CNTN5: variants seen among roughly 807,000 people sequenced by gnomAD.
The protein encoded by CNTN5 is contactin-5.
CNTN5 carries 77 observed loss-of-function variants against 129.1 expected under a neutral mutation model. That is an observed-to-expected ratio of 0.60 (90% CI 0.50 to 0.72). The LOEUF (loss-of-function observed/expected upper bound fraction) is 0.72. CNTN5 is among the 30% of genes least tolerant of loss of function. The pLI is 0.00. For synonymous variants in CNTN5, 509 were observed against 465.6 expected (o/e 1.09, Z -1.20); for missense variants, 1,478 against 1,328.8 (o/e 1.11, Z -1.75).
intron 1 of CNTN5, among the ~76,000 whole-genome samples, chr11:99,290,112 C>A (rs946197007): frequency 3.3e-5 from 5 of 151,602 alleles, no homozygotes; most frequent in Admixed American, 3.3e-4. Context: ...AATTATAACC[C>A]CCCCAAAATA....
At chr11:99,052,912 T>G (rs543667785) in intron 1 of CNTN5, among the ~76,000 whole-genome samples, 1 of 152,012 alleles carries the variant, frequency 6.6e-6, no homozygotes, top group East Asian at 1.9e-4. Context: ...AATGATATCT[T>G]ACATACCACA....
chr11:99,784,207 C>T (rs971051875), intron 3 of CNTN5, among the ~76,000 whole-genome samples: 1 of 151,998 alleles, frequency 6.6e-6, no homozygotes, highest in Admixed American at 6.6e-5. Context: ...AGGTTTGTTA[C>T]TTAGGTATAC....
intron 3 of CNTN5, among the ~76,000 whole-genome samples, chr11:99,787,403 T>A (rs1945571303): frequency 6.6e-6 from 1 of 151,628 alleles, no homozygotes; most frequent in East Asian, 1.9e-4. Context: ...TTTAAAATAT[T>A]TTTTAAAACA....
At chr11:99,911,475 T>C (rs977983443) in intron 6 of CNTN5, among the ~76,000 whole-genome samples, 1 of 151,956 alleles carries the variant, frequency 6.6e-6, no homozygotes, top group African/African-American at 2.4e-5. Flanking sequence ...TCTAATTGTA[T>C]AGCTTTTATT....
At chr11:99,351,298 C>A (rs745361699) in intron 2 of CNTN5, among the ~76,000 whole-genome samples, 1 of 152,138 alleles carries the variant, frequency 6.6e-6, no homozygotes, top group Non-Finnish European at 1.5e-5. Context: ...CTCCCAATAC[C>A]GTGAGGTGAG....
At chr11:99,875,470 C>T (rs1032251296) in intron 6 of CNTN5, among the ~76,000 whole-genome samples, 1 of 152,048 alleles carries the variant, frequency 6.6e-6, no homozygotes. Context: ...GTTATTACCA[C>T]TGAATAATAT....
At chr11:100,160,574 T>C (rs777858517) in intron 13 of CNTN5, among the ~76,000 whole-genome samples, 6 of 151,856 alleles carry the variant, frequency 4.0e-5, no homozygotes, top group Non-Finnish European at 7.4e-5. Flanking sequence ...AGATACTAAA[T>C]TTAGGAAATT....
chr11:99,418,862 C>T (rs182570619), intron 2 of CNTN5, among the ~76,000 whole-genome samples: 5 of 152,186 alleles, frequency 3.3e-5, no homozygotes, highest in African/African-American at 1.2e-4. Flanking sequence ...GTCATACAAG[C>T]CTTTTAATCA....
chr11:99,354,060 G>A (rs188651894), intron 2 of CNTN5, among the ~76,000 whole-genome samples: 39 of 152,082 alleles, frequency 2.6e-4, no homozygotes, highest in Non-Finnish European at 4.9e-4. Flanking sequence ...CAATCTTAGC[G>A]CATCCTAAGA....
chr11:100,275,096 C>CAA (rs386374656), intron 18 of CNTN5, among the ~76,000 whole-genome samples: 258 of 148,942 alleles, frequency 1.7e-3, no homozygotes, highest in African/African-American at 3.8e-3. Context: ...ATTAAACAAC[C>CAA]AAAAAAAAAA....
chr11:100,345,575 A>AT (rs961377809), intron 23 of CNTN5, among the ~76,000 whole-genome samples: 4 of 95,818 alleles, frequency 4.2e-5, no homozygotes, highest in South Asian at 6.3e-4. Flanking sequence ...GCTAACAGAT[A>AT]TTAAAAAAAA....
At chr11:99,951,648 T>C (rs1950679628) in intron 7 of CNTN5, among the ~76,000 whole-genome samples, 2 of 152,204 alleles carry the variant, frequency 1.3e-5, no homozygotes, top group African/African-American at 2.4e-5. Context: ...ATCATGAAGT[T>C]ATTTGATAGT....
intron 18 of CNTN5, among the ~76,000 whole-genome samples, chr11:100,281,836 C>T (rs1233183275): frequency 1.3e-5 from 2 of 151,988 alleles, no homozygotes; most frequent in Admixed American, 6.6e-5. Flanking sequence ...TTTACTAATT[C>T]TTTCTTCTGC....
At chr11:99,742,513 T>C (rs1431624179) in intron 3 of CNTN5, among the ~76,000 whole-genome samples, 1 of 152,134 alleles carries the variant, frequency 6.6e-6, no homozygotes, top group South Asian at 2.1e-4. Context: ...AATAGAGTTG[T>C]GGTAAGAAGG....
chr11:99,443,977 C>T (rs1264782708), intron 2 of CNTN5, among the ~76,000 whole-genome samples: 2 of 152,096 alleles, frequency 1.3e-5, no homozygotes, highest in Admixed American at 6.6e-5. Context: ...GCAGCTGTAT[C>T]ATCTGAGGTC....
chr11:99,117,774 G>A (rs182316873), intron 1 of CNTN5, among the ~76,000 whole-genome samples: 7 of 152,258 alleles, frequency 4.6e-5, no homozygotes, highest in Non-Finnish European at 7.3e-5. Flanking sequence ...CTTCTGCCAT[G>A]TGAGGGCACA....
chr11:99,414,059 T>A (rs994127148), intron 2 of CNTN5, among the ~76,000 whole-genome samples: 5 of 152,200 alleles, frequency 3.3e-5, no homozygotes, highest in Non-Finnish European at 7.3e-5. Context: ...GGAGCTTCAG[T>A]GATCCCAAGT....
intron 3 of CNTN5, among the ~76,000 whole-genome samples, chr11:99,692,564 A>G (rs912529717): frequency 6.6e-6 from 1 of 151,644 alleles, no homozygotes; most frequent in Non-Finnish European, 1.5e-5. Flanking sequence ...TTTGCCCTCA[A>G]TCTCTTCTGG....
chr11:99,566,480 G>A (rs553709640), intron 3 of CNTN5, among the ~76,000 whole-genome samples: 2 of 152,144 alleles, frequency 1.3e-5, no homozygotes, highest in African/African-American at 2.4e-5. Context: ...TTTTCCCAGC[G>A]TGTTTTGTCT....
Sources: gnomAD v4.1 joint callset for allele counts (sites outside exome capture counted in the v4.1 genomes callset) on GRCh38, gnomAD v4.1.1 for gene constraint, MANE v1.5 for transcripts, NCBI Gene and HGNC (gene_info 2026-07-23, HGNC 2026-07-21) for gene names.